The following CDK12 variants were observed in gnomAD, a reference collection of about 807,000 sequenced individuals.
CDK12 encodes the protein cyclin dependent kinase 12, also known as cyclin-dependent kinase 12.
Under a neutral mutation model 133.8 loss-of-function variants are expected in CDK12, and 17 were observed. That is an observed-to-expected ratio of 0.13 (90% CI 0.09 to 0.19). CDK12 has a LOEUF of 0.19. Ranked by LOEUF, CDK12 falls within the 10% of genes least tolerant of loss-of-function variation. The pLI is 1.00. For missense variants in CDK12, 1,508 were observed against 1,818.7 expected, an observed-to-expected ratio of 0.83 and a Z score of 3.11; for synonymous variants, 694 against 683.6, an observed-to-expected ratio of 1.02 and a Z score of -0.24.
At chr17:39,469,089 G>C (rs1416936590) in intron 1 of CDK12, among the ~76,000 whole-genome samples, 1 of 152,170 alleles carries the variant, frequency 6.6e-6, no homozygotes. Flanking sequence ...GCCTCCCGAA[G>C]TGCTGGGATT....
At chr17:39,514,935 T>C (rs2053708874) in intron 8 of CDK12, among the ~76,000 whole-genome samples, 3 of 152,190 alleles carry the variant, frequency 2.0e-5, no homozygotes, top group Non-Finnish European at 4.4e-5. Flanking sequence ...GTCACTATAA[T>C]TTCTATTTCT....
At chr17:39,522,574 C>T (rs552394720) in intron 11 of CDK12, among the ~76,000 whole-genome samples, 6 of 152,176 alleles carry the variant, frequency 3.9e-5, no homozygotes, top group African/African-American at 9.6e-5. Flanking sequence ...AGCTGGATTA[C>T]AGGAGCCCGG....
intron 1 of CDK12, among the ~76,000 whole-genome samples, chr17:39,465,064 G>A (rs763344842): frequency 2.7e-4 from 41 of 151,988 alleles, no homozygotes; most frequent in Non-Finnish European, 5.1e-4. Context: ...TGGCCAATGT[G>A]GTGAAATGCT....
Position 39,471,135 on chromosome 17 carries a change from G to T in CDK12, c.1303G>T (p.Val435Leu). The part of the protein sequence containing the change: ...VFLPRKENSS[V>L]EAKDSGLESK... ...TTTGCCTAGAAAAGAGAACAGTTCAGTAGAGGCTAAGGATTCAGGTTTGGA... is the reference window on the plus strand; with the variant it reads ...TTTGCCTAGAAAAGAGAACAGTTCATTAGAGGCTAAGGATTCAGGTTTGGA... Residue 435 changes from valine to leucine, a missense_variant, in exon 2 of 14, where the codon GTA (valine) becomes TTA (leucine). Around this residue, in one of 9 missense-constraint regions of CDK12, gnomAD observed 347 missense variants for 330.8 expected, o/e 1.05. Transcript: ENST00000447079. 3 of 1,598,398 alleles carry T rather than the reference G, an allele frequency of 1.9e-6. No homozygotes were observed. Among genetic ancestry groups the T allele is most frequent in the Non-Finnish European group, 2.6e-6 (3 of 1,174,912 alleles).
rs1385728260 is a variant in CDK12 at position 39,532,245 on chromosome 17, G to GA, written c.*932dup. The stretch of plus-strand genomic sequence containing the variant: ...CCTGGGATAATTCTTTACTTTTTTT[G>GA]AAATAAAGGAAAGGAAATTCAGACT... On this transcript the variant is annotated 3_prime_UTR_variant, in exon 14 of 14. Transcript: ENST00000447079. 1 of 232,202 alleles carries GA rather than the reference G, an allele frequency of 4.3e-6. No individual in the cohort carries two copies. Among genetic ancestry groups the GA allele is most frequent in the African/African-American group, 2.2e-5 (1 of 45,072 alleles). 14.4% of individuals were successfully genotyped at this position (232,202 alleles called of 1,614,324 possible).
chr17:39,523,407 C>T (rs1248060457), intron 11 of CDK12, among the ~76,000 whole-genome samples: 7 of 151,752 alleles, frequency 4.6e-5, no homozygotes, highest in Admixed American at 6.6e-5. Flanking sequence ...ACCTGGGAGG[C>T]GGAGGTTGCA....
intron 2 of CDK12, chr17:39,551,155 T>G (rs2055939866): frequency 6.6e-6 from 1 of 152,122 alleles, no homozygotes; most frequent in Non-Finnish European, 1.5e-5. Flanking sequence ...AGGTAGGTGT[T>G]GGGGGAGGAA....
chr17:39,561,488 C>A (rs925692708), intron 3 of CDK12, among the ~76,000 whole-genome samples: 5 of 152,196 alleles, frequency 3.3e-5, no homozygotes, highest in African/African-American at 1.2e-4. Context: ...CAACTGAACT[C>A]ATGGACAGCT....
Position 39,462,018 on chromosome 17 carries a change from G to T in CDK12, c.-54G>T. 3.4e-6 allele frequency: 5 copies of T among 1,478,082 alleles called. No individual in the cohort carries two copies. Among genetic ancestry groups the T allele is most frequent in the Non-Finnish European group, 4.6e-6 (5 of 1,078,458 alleles). 91.6% of individuals were successfully genotyped at this position (1,478,082 alleles called of 1,614,324 possible). A position where few individuals can be genotyped will look rare whatever the true frequency, so the allele number is the denominator to read the frequency against. On this transcript the variant is annotated 5_prime_UTR_variant, in exon 1 of 14. Transcript: ENST00000447079. The stretch of plus-strand genomic sequence containing the variant: ...GGGGTTGGGGGGGTGGGTGGGGGTT[G>T]CTTTTTGGAGTGCTGGGGAACTTTT...
At chr17:39,561,759 G>A (rs2056381307) in intron 3 of CDK12, among the ~76,000 whole-genome samples, 1 of 152,018 alleles carries the variant, frequency 6.6e-6, no homozygotes, top group Admixed American at 6.6e-5. Flanking sequence ...ACTCCTAACA[G>A]TTTTCCCCAC....
In CDK12 at chr17:39,462,454, C is replaced by T. The variant is rs1221487858; in HGVS notation, c.383C>T (p.Thr128Ile). ...CGGGACTTACTAAAAGCTAAACAGA[C>T]CGAAAAAGAAAAAAGCCAAGAAGTC... The part of the protein sequence containing the change: ...RSRDLLKAKQ[T>I]EKEKSQEVSS... The change falls in exon 1 of 14, where the codon ACC (threonine) becomes ATC (isoleucine). Residue 128 changes from threonine to isoleucine, a missense_variant. Transcript: ENST00000447079. 1.9e-6 allele frequency: 3 copies of T among 1,613,816 alleles called. No homozygotes were observed. Among genetic ancestry groups the T allele is most frequent in the Non-Finnish European group, 2.5e-6 (3 of 1,180,006 alleles).
intron 2 of CDK12, among the ~76,000 whole-genome samples, chr17:39,485,186 A>AG (rs2145684519): frequency 6.6e-6 from 1 of 151,900 alleles, no homozygotes; most frequent in South Asian, 2.1e-4. Context: ...AAAAAAAAAA[A>AG]AAGTTCAGAC....
At position 39,490,748 on chromosome 17, in the gene CDK12, G is replaced by C. The variant is rs771703402; in HGVS notation, c.2108+15G>C. ...AAGAGACCAAAGTGAGTTTTTGGAGGAATCTGTCTTTCATGATAGTTTTCT... is the reference window on the plus strand; with the variant it reads ...AAGAGACCAAAGTGAGTTTTTGGAGCAATCTGTCTTTCATGATAGTTTTCT... On this transcript the variant is annotated intron_variant, in intron 3 of 13. Transcript: ENST00000447079. 1.3e-5 allele frequency: 21 copies of C among 1,574,584 alleles called. 1 individual carries two copies. In the South Asian group the frequency reaches 2.3e-4, roughly 17 times the overall value.
At chr17:39,494,734 C>T (rs527313642) in intron 5 of CDK12, 40 bp downstream of exon 5, 4 of 1,317,896 alleles carry the variant, frequency 3.0e-6, no homozygotes, top group African/African-American at 3.0e-5. Context: ...GTAGACTGGT[C>T]CAATCTTTGC....
intron 1 of CDK12, chr17:39,550,455 CTTGCTCCTGGGGT>C: frequency 6.6e-6 from 1 of 152,296 alleles, no homozygotes; most frequent in Admixed American, 6.5e-5. Context: ...AGGCTGTTTT[CTTGCTCCTGGGGT>C]TTTGTCTGGT....
chr17:39,517,494 C>G lies in CDK12; in HGVS notation c.2901C>G (p.Pro967=). 1 of 1,613,852 alleles carries G rather than the reference C, an allele frequency of 6.2e-7. No homozygotes were observed. Among genetic ancestry groups the G allele is most frequent in the South Asian group, 1.1e-5 (1 of 91,070 alleles). Residue 967 remains proline, a synonymous_variant, in exon 10 of 14, where the codon CCC becomes CCG. Coordinates refer to ENST00000447079, the MANE Select transcript of CDK12 (RefSeq NM_016507.4). ...TGTGGCCTGATGTTATCAAACTGCC[C>G]TACTTCAACACCATGAAACCGAAGA... ...PAVWPDVIKL[P]YFNTMKPKKQ...
intron 1 of CDK12, among the ~76,000 whole-genome samples, chr17:39,467,407 G>A (rs1443955008): frequency 1.3e-5 from 2 of 152,150 alleles, no homozygotes; most frequent in African/African-American, 2.4e-5. Flanking sequence ...AAATACATTT[G>A]TTTTTGAAGA....
At chr17:39,543,831 G>C (rs1370383683), upstream of CDK12, among the ~76,000 whole-genome samples, 3 of 152,106 alleles carry the variant, frequency 2.0e-5, no homozygotes, top group Non-Finnish European at 4.4e-5. Flanking sequence ...TTATGGATGA[G>C]AGAGCCACAA....
chr17:39,522,858 C>G (rs2054266027), intron 11 of CDK12, among the ~76,000 whole-genome samples: 1 of 150,938 alleles, frequency 6.6e-6, no homozygotes, highest in African/African-American at 2.4e-5. Context: ...TTCAAGAGAG[C>G]CTGGCCAACA....
Sources: allele counts gnomAD v4.1 joint callset (sites outside exome capture counted in the v4.1 genomes callset), GRCh38; gene constraint gnomAD v4.1.1; regional missense constraint gnomAD v4.1.1; transcripts MANE v1.5; gene names NCBI Gene and HGNC (gene_info 2026-07-23, HGNC 2026-07-21).